TRPM7: variants seen among roughly 807,000 people sequenced by gnomAD.
TRPM7 encodes the protein LTRPC ion channel family member 7.
Under a neutral mutation model 229.7 loss-of-function variants are expected in TRPM7, and 134 were observed. The ratio of observed to expected loss-of-function variants is 0.58; its 90% CI spans 0.51 to 0.67. The LOEUF (loss-of-function observed/expected upper bound fraction) is 0.67, where lower values mean the gene tolerates loss of function less well. TRPM7 is among the 30% of genes least tolerant of loss of function. TRPM7 has a pLI of 0.00. For synonymous variants in TRPM7, 699 were observed against 715.2 expected, an observed-to-expected ratio of 0.98 and a Z score of 0.36; for missense variants, 1,901 against 2,210.0, an observed-to-expected ratio of 0.86 and a Z score of 2.80.
At chr15:50,680,032 G>A (rs1418584971) in intron 1 of TRPM7, among the ~76,000 whole-genome samples, 7 of 151,820 alleles carry the variant, frequency 4.6e-5, no homozygotes, top group East Asian at 1.9e-4. Context: ...TCAGGAGTTC[G>A]AGACCAGCCT....
At chr15:50,585,252 G>A (rs370756409) in intron 28 of TRPM7, among the ~76,000 whole-genome samples, 42 of 152,110 alleles carry the variant, frequency 2.8e-4, no homozygotes, top group African/African-American at 8.7e-4. Context: ...TAGTAGAGAC[G>A]GGGTTTCACC....
At chr15:50,603,457 C>T (rs1361809622) in intron 21 of TRPM7, among the ~76,000 whole-genome samples, 4 of 150,210 alleles carry the variant, frequency 2.7e-5, no homozygotes, top group South Asian at 2.1e-4. Context: ...CCTCCCCCTG[C>T]CCCCCACCCC....
At chr15:50,685,415 C>CT (rs2062335395) in intron 1 of TRPM7, among the ~76,000 whole-genome samples, 1 of 152,210 alleles carries the variant, frequency 6.6e-6, no homozygotes, top group African/African-American at 2.4e-5. Flanking sequence ...GGAGATCGCG[C>CT]CACTTCACTC....
intron 5 of TRPM7, among the ~76,000 whole-genome samples, chr15:50,640,447 T>C (rs1276187962): frequency 6.8e-6 from 1 of 147,086 alleles, no homozygotes; most frequent in Non-Finnish European, 1.5e-5. Context: ...GGGGTAATTT[T>C]TTTTTCTTTT....
At chr15:50,662,940 C>T (rs776327826) in intron 2 of TRPM7, 27 bp downstream of exon 2, 1 of 1,531,338 alleles carries the variant, frequency 6.5e-7, no homozygotes, top group Admixed American at 1.8e-5. Context: ...TTCTAGAAGA[C>T]CCCAGAAGTA....
intron 2 of TRPM7, among the ~76,000 whole-genome samples, chr15:50,658,196 G>A (rs1355504766): frequency 2.0e-5 from 3 of 151,772 alleles, no homozygotes; most frequent in Non-Finnish European, 4.4e-5. Flanking sequence ...TACTAGAGAT[G>A]GGATTTCACT....
At chr15:50,619,131 T>C (rs551860558) in intron 13 of TRPM7, among the ~76,000 whole-genome samples, 63 of 152,272 alleles carry the variant, frequency 4.1e-4, no homozygotes, top group African/African-American at 1.1e-3. Context: ...GGAAAAAAGA[T>C]ACATTCTATC....
intron 1 of TRPM7, among the ~76,000 whole-genome samples, chr15:50,681,082 C>T (rs527550821): frequency 1.3e-5 from 2 of 152,178 alleles, no homozygotes; most frequent in South Asian, 4.1e-4. Context: ...GAAACTCCGT[C>T]TCTACCAAAA....
At chr15:50,673,742 T>G (rs1245057328) in intron 1 of TRPM7, among the ~76,000 whole-genome samples, 1 of 152,196 alleles carries the variant, frequency 6.6e-6, no homozygotes. Context: ...TAAACATGCG[T>G]ACGCAAGTAT....
At chr15:50,570,574 G>T (rs757804788) in intron 36 of TRPM7, among the ~76,000 whole-genome samples, 1 of 151,824 alleles carries the variant, frequency 6.6e-6, no homozygotes, top group Non-Finnish European at 1.5e-5. Context: ...CAGGCGCAGT[G>T]GCTCACGCCT....
intron 4 of TRPM7, among the ~76,000 whole-genome samples, chr15:50,644,876 G>C (rs2061216283): frequency 6.6e-6 from 1 of 151,204 alleles, no homozygotes; most frequent in Non-Finnish European, 1.5e-5. Context: ...GAAGACTGGA[G>C]TCCCTTAAGA....
intron 20 of TRPM7, among the ~76,000 whole-genome samples, chr15:50,606,842 G>A (rs894689198): frequency 6.6e-6 from 1 of 152,020 alleles, no homozygotes; most frequent in Non-Finnish European, 1.5e-5. Context: ...GCTAAATCAG[G>A]TAGGTAAATT....
intron 19 of TRPM7, 35 bp downstream of exon 19, chr15:50,609,546 T>C (rs1020584956): frequency 6.3e-7 from 1 of 1,578,436 alleles, no homozygotes; most frequent in Non-Finnish European, 8.6e-7. Context: ...GCCTAACTCT[T>C]AAAAACATTA....
intron 11 of TRPM7, among the ~76,000 whole-genome samples, chr15:50,627,114 G>A (rs8042592): frequency 0.55 from 83,926 of 151,506 alleles, 23,342 homozygotes; most frequent in Admixed American, 0.62. Flanking sequence ...TTATTAATTC[G>A]GACATGTAAC....
intron 4 of TRPM7, among the ~76,000 whole-genome samples, chr15:50,645,042 C>T (rs1478408890): frequency 2.3e-4 from 35 of 151,836 alleles, no homozygotes; most frequent in Non-Finnish European, 1.5e-5. Context: ...GCTGGGACTA[C>T]AGACACAGGG....
At chr15:50,683,471 A>G (rs1596359504) in intron 1 of TRPM7, among the ~76,000 whole-genome samples, 1 of 151,622 alleles carries the variant, frequency 6.6e-6, no homozygotes, top group South Asian at 2.1e-4. Flanking sequence ...TCAGTGGCTC[A>G]CGCCTGTAAT....
intron 1 of TRPM7, among the ~76,000 whole-genome samples, chr15:50,678,927 G>A (rs2062165770): frequency 6.6e-6 from 1 of 152,158 alleles, no homozygotes. Flanking sequence ...AGGCTGGAGT[G>A]CAATGGCGTG....
At position 50,686,513 on chromosome 15, in the gene TRPM7, C is replaced by T; in HGVS notation, c.3+18G>A. The T allele has an allele frequency of 6.2e-7, 1 of 1,613,906 alleles. No homozygotes were observed. Among genetic ancestry groups the T allele is most frequent in the Non-Finnish European group, 8.5e-7 (1 of 1,179,892 alleles). On this transcript the variant is annotated intron_variant, in intron 1 of 38. Transcript: ENST00000646667. ...ACCCCAGAACCATTCCCCGCCCGGG[C>T]CTGCGTGGGTCCAGTACCATTCTCC...
chr15:50,635,970 C>T (rs1392228507), intron 7 of TRPM7, among the ~76,000 whole-genome samples: 1 of 151,002 alleles, frequency 6.6e-6, no homozygotes, highest in Non-Finnish European at 1.5e-5. Context: ...CAGTGCGAGA[C>T]TCCATCTCAA....
Sources: gnomAD v4.1 joint callset for allele counts (sites outside exome capture counted in the v4.1 genomes callset) on GRCh38, gnomAD v4.1.1 for gene constraint, MANE v1.5 for transcripts, NCBI Gene and HGNC (gene_info 2026-07-23, HGNC 2026-07-21) for gene names.